ZNF250: variants seen among roughly 807,000 people sequenced by gnomAD.
The protein encoded by ZNF250 is zinc finger protein (clone 647).
Under a neutral mutation model 37.1 loss-of-function variants are expected in ZNF250, and 13 were observed. The observed-to-expected ratio is 0.35, with a 90% confidence interval of 0.23 to 0.56. ZNF250 has a LOEUF of 0.56. Ranked by LOEUF, ZNF250 falls within the 20% of genes least tolerant of loss-of-function variation. The pLI is 0.87. For synonymous variants in ZNF250, 251 were observed against 265.6 expected, an observed-to-expected ratio of 0.94 and a Z score of 0.54; for missense variants, 474 against 697.9, an observed-to-expected ratio of 0.68 and a Z score of 3.61.
intron 5 of ZNF250, among the ~76,000 whole-genome samples, chr8:144,885,521 G>A (rs757771018): frequency 6.6e-6 from 1 of 152,126 alleles, no homozygotes; most frequent in Non-Finnish European, 1.5e-5. Flanking sequence ...CTGGAGTGCA[G>A]TGGTGTGATC....
chr8:144,898,155 G>C (rs945320136), intron 1 of ZNF250, among the ~76,000 whole-genome samples: 3 of 152,058 alleles, frequency 2.0e-5, no homozygotes, highest in Non-Finnish European at 2.9e-5. Context: ...AAATTAGCTG[G>C]GTGTGGTGGC....
At chr8:144,883,874 G>A (rs909928267) in intron 5 of ZNF250, among the ~76,000 whole-genome samples, 10 of 152,046 alleles carry the variant, frequency 6.6e-5, no homozygotes, top group Admixed American at 6.6e-4. Flanking sequence ...AAGAGGTGCT[G>A]AGGACAACAG....
chr8:144,881,605 G>A lies in ZNF250; in HGVS notation c.1578C>T (p.Gly526=), dbSNP rs745657719. Residue 526 remains glycine, a synonymous_variant, in exon 6 of 6, where the codon GGC becomes GGT. Transcript: ENST00000417550. The part of the protein sequence containing the change: ...VLIQHQRIHT[G]EKPYECGECG... ...ACTCCCCGCACTCATAGGGCTTCTC[G>A]CCTGTGTGGATCCGCTGGTGCTGGA... 5 of 1,613,052 alleles carry A rather than the reference G, an allele frequency of 3.1e-6. No homozygotes were observed. The highest frequency in any genetic ancestry group is 2.2e-5 in the East Asian group (1 of 44,820).
chr8:144,882,004 A>C lies in ZNF250; in HGVS notation c.1179T>G (p.Ser393Arg). Residue 393 changes from serine (S) to arginine (R), a missense_variant, in exon 6 of 6, where the codon AGT becomes AGG. This residue lies in a region of ZNF250 where 282 missense variants were observed against 470.4 expected (regional missense o/e 0.60). Transcript: ENST00000417550. The surrounding 1 kb of genome is among the most constrained non-coding windows in gnomAD (Gnocchi z 5.5). ...GGTGGCTGAAGGTCTTCCCACACTC[A>C]CTGCACTCATAGGGCTTCTCCCCGG... ...VHTGEKPYEC[S>R]ECGKTFSHRS... The C allele has an allele frequency of 6.2e-7, 1 of 1,613,066 alleles. No homozygotes were observed.
intron 4 of ZNF250, among the ~76,000 whole-genome samples, chr8:144,887,551 T>C (rs1227015420): frequency 6.6e-6 from 1 of 152,084 alleles, no homozygotes; most frequent in Non-Finnish European, 1.5e-5. Context: ...GGTGCTTCCA[T>C]GAAAAAACTT....
chr8:144,888,601 A>AGC (rs1832079486), intron 4 of ZNF250, among the ~76,000 whole-genome samples: 1 of 149,214 alleles, frequency 6.7e-6, no homozygotes. Context: ...GTCTCAAAAA[A>AGC]AAAAAAAAAA....
rs1586885280 is a variant in ZNF250 at position 144,881,532 on chromosome 8, C to CT, written c.1650dup (p.Val551SerfsTer10). The CT allele has an allele frequency of 6.3e-7, 1 of 1,592,784 alleles. No individual in the cohort carries two copies. The highest frequency in any genetic ancestry group is 8.6e-7 in the Non-Finnish European group (1 of 1,165,480). On this transcript the variant is annotated frameshift_variant, in exon 6 of 6. Transcript: ENST00000417550. LOFTEE classifies it high-confidence loss of function. ...GCCATGGGTCACAACTTTCTGTGCA[C>CT]TTTCTGGTGCTGGATTAGGTGGCCA...
chr8:144,898,161 G>A (rs1460209359), intron 1 of ZNF250, among the ~76,000 whole-genome samples: 1 of 152,104 alleles, frequency 6.6e-6, no homozygotes, highest in Non-Finnish European at 1.5e-5. Flanking sequence ...GCTGGGTGTG[G>A]TGGCACGTGC....
At position 144,881,274 on chromosome 8, in the gene ZNF250, C is replaced by T; in HGVS notation, c.*241G>A. 1 of 451,374 alleles carries T rather than the reference C, an allele frequency of 2.2e-6. No individual in the cohort carries two copies. The highest frequency in any genetic ancestry group is 3.7e-6 in the Non-Finnish European group (1 of 270,950). The allele number at this position is 451,374 out of a possible 1,614,324, so 28.0% of individuals were successfully genotyped here. On this transcript the variant is annotated 3_prime_UTR_variant, in exon 6 of 6. Transcript: ENST00000417550. ...TATGGCTGTTTTTTACCAAAATTCTCTACAATTGTATGATTACTCTCCAAC... is the reference window on the plus strand; with the variant it reads ...TATGGCTGTTTTTTACCAAAATTCTTTACAATTGTATGATTACTCTCCAAC...
chr8:144,886,985 G>T, intron 4 of ZNF250, 83 bp from the exon 5 acceptor site: 1 of 1,258,888 alleles, frequency 7.9e-7, no homozygotes, highest in Non-Finnish European at 1.2e-6. Context: ...GGTGGCTCAC[G>T]TCTGTAATCC....
chr8:144,886,883 G>A lies in ZNF250; in HGVS notation c.303C>T (p.His101=). Residue 101 remains histidine, a synonymous_variant, in exon 5 of 6, where the codon CAC becomes CAT. Transcript: ENST00000417550. ...TGTCTTGTTGTGTACAGGCTGTAGT[G>A]TGGTCATATTTGAGGTTGTCTGGAA... ...SDYSDNLKYD[H]TTACTQQDSL... 1.9e-6 allele frequency: 3 copies of A among 1,613,618 alleles called. No homozygotes were observed. Among genetic ancestry groups the A allele is most frequent in the Middle Eastern group, 3.3e-4 (2 of 6,058 alleles).
At chr8:144,899,295 T>C (rs1013840549) in intron 1 of ZNF250, among the ~76,000 whole-genome samples, 9 of 152,246 alleles carry the variant, frequency 5.9e-5, no homozygotes, top group African/African-American at 2.2e-4. Context: ...CAGTCAGATA[T>C]AATGAATAAG....
chr8:144,890,436 G>T lies in ZNF250; in HGVS notation c.-54-33C>A. ...AGAGGAGGGGGCAAGTGAGGGGCAT[G>T]GCCTTGAGACCGTAACTTCCTAGGG... On this transcript the variant is annotated intron_variant, in intron 1 of 5. Coordinates refer to ENST00000417550, the MANE Select transcript of ZNF250 (RefSeq NM_001109689.4). The surrounding 1 kb of genome is among the most constrained non-coding windows in gnomAD (Gnocchi z 5.1). 1.5e-6 allele frequency: 2 copies of T among 1,335,748 alleles called. No homozygotes were observed. Among genetic ancestry groups the T allele is most frequent in the Non-Finnish European group, 9.8e-7 (1 of 1,015,724 alleles). The allele number at this position is 1,335,748 out of a possible 1,614,324, so 82.7% of individuals were successfully genotyped here. A position where few individuals can be genotyped will look rare whatever the true frequency, so the allele number is the denominator to read the frequency against.
chr8:144,880,686 A>C lies in ZNF250; in HGVS notation c.*829T>G, dbSNP rs1244214911. On this transcript the variant is annotated 3_prime_UTR_variant, in exon 6 of 6. Coordinates refer to ENST00000417550, the MANE Select transcript of ZNF250 (RefSeq NM_001109689.4). ...CGAGACCAGCCTGGCCAACACGGTG[A>C]AACTCCGTCTCTACTAAAAATACAA... is the stretch of plus-strand genomic sequence containing the variant. 2 of 334,134 alleles carry C rather than the reference A, an allele frequency of 6.0e-6. No homozygotes were observed. Among genetic ancestry groups the C allele is most frequent in the Non-Finnish European group, 1.2e-5 (2 of 166,130 alleles). 20.7% of individuals were successfully genotyped at this position (334,134 alleles called of 1,614,324 possible).
intron 1 of ZNF250, among the ~76,000 whole-genome samples, chr8:144,896,205 T>A (rs2129873596): frequency 6.6e-6 from 1 of 151,582 alleles, no homozygotes; most frequent in East Asian, 1.9e-4. Flanking sequence ...ATAAAAAAAT[T>A]TAAAAAATTA....
Position 144,890,302 on chromosome 8 carries a change from G to T in ZNF250, c.42+6C>A. The T allele has an allele frequency of 6.6e-7, 1 of 1,525,972 alleles. No individual in the cohort carries two copies. Among genetic ancestry groups the T allele is most frequent in the Non-Finnish European group, 8.8e-7 (1 of 1,133,062 alleles). 94.5% of individuals were successfully genotyped at this position (1,525,972 alleles called of 1,614,324 possible). A position where few individuals can be genotyped will look rare whatever the true frequency, so the allele number is the denominator to read the frequency against. ...GGGCACTGCATAAGCACTGGGGACA[G>T]CTTACCTGGGGTCCTGCCGGCACTG... On this transcript the variant is annotated splice_donor_region_variant and intron_variant, in intron 2 of 5. Transcript: ENST00000417550. This position sits in a 1 kb window ranked among gnomAD's most constrained non-coding sequence, Gnocchi z 5.1.
In ZNF250 at chr8:144,881,533, T is replaced by C. The variant is rs1831466377; in HGVS notation, c.1650A>G (p.Lys550=). 2 of 1,593,610 alleles carry C rather than the reference T, an allele frequency of 1.3e-6. No homozygotes were observed. The highest frequency in any genetic ancestry group is 1.3e-5 in the African/African-American group (1 of 74,664). ...CCATGGGTCACAACTTTCTGTGCAC[T>C]TTCTGGTGCTGGATTAGGTGGCCAT... The part of the protein sequence containing the change: ...NQHGHLIQHQ[K]VHRKL The change falls in exon 6 of 6, where the codon AAA becomes AAG. Residue 550 remains lysine, a synonymous_variant. Transcript: ENST00000417550.
chr8:144,890,164 G>A lies in ZNF250; in HGVS notation c.43-105C>T. 1 of 1,535,908 alleles carries A rather than the reference G, an allele frequency of 6.5e-7. No individual in the cohort carries two copies. Among genetic ancestry groups the A allele is most frequent in the Non-Finnish European group, 8.8e-7 (1 of 1,130,184 alleles). On this transcript the variant is annotated intron_variant, in intron 2 of 5. Transcript: ENST00000417550. This position sits in a 1 kb window ranked among gnomAD's most constrained non-coding sequence, Gnocchi z 5.1. ...TGAGCAGTTGGCAGTGGGGGGCTCTGTGAGCTGAGGTGGGTGATGGGAAGG... is the reference window on the plus strand; with the variant it reads ...TGAGCAGTTGGCAGTGGGGGGCTCTATGAGCTGAGGTGGGTGATGGGAAGG...
chr8:144,890,531 T>C lies in ZNF250; in HGVS notation c.-54-128A>G, dbSNP rs1832258630. ...CACACTGAGGTCAGGTGCAAGGAGC[T>C]GCTACTGTTGCAGCCTTGGTCTGCC... On this transcript the variant is annotated intron_variant, in intron 1 of 5. Transcript: ENST00000417550. The surrounding 1 kb of genome is among the most constrained non-coding windows in gnomAD (Gnocchi z 5.1). 2.0e-6 allele frequency: 1 copy of C among 499,154 alleles called. No individual in the cohort carries two copies. Among genetic ancestry groups the C allele is most frequent in the Non-Finnish European group, 3.4e-6 (1 of 293,810 alleles). 30.9% of individuals were successfully genotyped at this position (499,154 alleles called of 1,614,324 possible). A position where few individuals can be genotyped will look rare whatever the true frequency, so the allele number is the denominator to read the frequency against.
Sources: allele counts gnomAD v4.1 joint callset (sites outside exome capture counted in the v4.1 genomes callset), GRCh38; gene constraint gnomAD v4.1.1; regional missense constraint gnomAD v4.1.1; non-coding constraint Gnocchi (gnomAD v3.1); transcripts MANE v1.5; gene names NCBI Gene and HGNC (gene_info 2026-07-23, HGNC 2026-07-21).